Variants in TRIM50 observed in about 807,000 individuals in gnomAD.
The protein encoded by TRIM50 is E3 ubiquitin-protein ligase TRIM50.
Under a neutral mutation model 44.9 loss-of-function variants are expected in TRIM50, and 34 were observed. The observed-to-expected ratio is 0.76, with a 90% CI of 0.58 to 1.01. The LOEUF (loss-of-function observed/expected upper bound fraction) is 1.01. Among genes scored for constraint, TRIM50 ranks in the 50% least tolerant of loss-of-function variants. The probability of loss-of-function intolerance (pLI) is 0.00; values close to 1 mark genes in which losing one functional copy is unlikely to be tolerated. For missense variants in TRIM50, 633 were observed against 663.7 expected (o/e 0.95, Z 0.51); for synonymous variants, 307 against 291.1 (o/e 1.05, Z -0.56).
chr7:73,313,259 G>A lies in TRIM50; in HGVS notation c.1126C>T (p.Leu376=), dbSNP rs529018281. The part of the protein sequence containing the change: ...IKGTASRKGK[L]NRSPEHGVWL... ...ACGCCGTGCTCGGGGGACCTGTTCA[G>A]CTTGCCCTTACGGCTGGCTGTGCCC... Residue 376 remains leucine, a synonymous_variant, in exon 7 of 7, where the codon CTG becomes TTG. Transcript: ENST00000333149. This position sits in a 1 kb window ranked among gnomAD's most constrained non-coding sequence, Gnocchi z 4.9. The A allele has an allele frequency of 2.5e-6, 4 of 1,600,664 alleles. No individual in the cohort carries two copies. The highest frequency in any genetic ancestry group is 4.5e-5 in the East Asian group (2 of 44,300).
chr7:73,328,016 C>T lies in TRIM50; in HGVS notation c.-135G>A, dbSNP rs1554546496. 1 of 640,808 alleles carries T rather than the reference C, an allele frequency of 1.6e-6. No individual in the cohort carries two copies. Among genetic ancestry groups the T allele is most frequent in the Non-Finnish European group, 2.7e-6 (1 of 369,118 alleles). 39.7% of individuals were successfully genotyped at this position (640,808 alleles called of 1,614,324 possible). On this transcript the variant is annotated 5_prime_UTR_variant, in exon 1 of 7. It removes an upstream start codon present in the reference 5' UTR. Coordinates refer to ENST00000333149, the MANE Select transcript of TRIM50 (RefSeq NM_178125.3). The stretch of plus-strand genomic sequence containing the variant: ...CACCTAACCCCCCACGTCCGTGCCT[C>T]ATCATGACCCGCACGCTATGGTTAC...
At chr7:73,314,262 A>G (rs1452610767) in intron 6 of TRIM50, 2 of 320,234 alleles carry the variant, frequency 6.2e-6, no homozygotes, top group Non-Finnish European at 1.2e-5. Flanking sequence ...GACCTCGCCC[A>G]CTTTGTGCAA....
chr7:73,319,750 T>A (rs1248740853), intron 3 of TRIM50, among the ~76,000 whole-genome samples: 3 of 152,122 alleles, frequency 2.0e-5, no homozygotes, highest in Non-Finnish European at 2.9e-5. Flanking sequence ...CTTCGGGAGA[T>A]CAGCCAGGGC....
chr7:73,315,925 G>A (rs1164213693), intron 6 of TRIM50, among the ~76,000 whole-genome samples: 1 of 150,058 alleles, frequency 6.7e-6, no homozygotes, highest in Non-Finnish European at 1.5e-5. Context: ...TTGTTGCCCA[G>A]GCTGGAGTGC....
intron 4 of TRIM50, 49 bp downstream of exon 4, chr7:73,318,773 G>A (rs559759790): frequency 6.2e-7 from 1 of 1,614,006 alleles, no homozygotes; most frequent in East Asian, 2.2e-5. Context: ...TGTTGGGAAG[G>A]GGAAGGCCCT....
chr7:73,325,910 C>A (rs1414638657), intron 1 of TRIM50, among the ~76,000 whole-genome samples: 2 of 152,142 alleles, frequency 1.3e-5, no homozygotes, highest in Non-Finnish European at 2.9e-5. Flanking sequence ...TGGGGAAAGA[C>A]AGCTTGTTGC....
chr7:73,318,411 G>A (rs1554544435), intron 5 of TRIM50, among the ~76,000 whole-genome samples: 2 of 152,176 alleles, frequency 1.3e-5, no homozygotes, highest in Admixed American at 1.3e-4. Flanking sequence ...TACTGGGATT[G>A]CAGGCATGAG....
chr7:73,326,065 A>T (rs545761056), intron 1 of TRIM50, among the ~76,000 whole-genome samples: 453 of 151,964 alleles, frequency 3.0e-3, no homozygotes, highest in African/African-American at 9.7e-3. Context: ...TATTTAAAAA[A>T]TTTTTTTAGA....
rs1229544570 is a variant in TRIM50 at position 73,327,930 on chromosome 7, G to A, written c.-49C>T. The A allele has an allele frequency of 8.2e-6, 4 of 490,476 alleles. No individual in the cohort carries two copies. Among genetic ancestry groups the A allele is most frequent in the Non-Finnish European group, 1.5e-5 (4 of 268,850 alleles). 30.4% of individuals were successfully genotyped at this position (490,476 alleles called of 1,614,324 possible). ...CTCCGGCCCCTGTAAGTGCCCCATC[G>A]TGCTCTCTGTCGCTCCAGTTAGATG... On this transcript the variant is annotated 5_prime_UTR_variant, in exon 1 of 7. In the 5' UTR this introduces an upstream ATG that the reference lacks. Transcript: ENST00000333149.
intron 6 of TRIM50, chr7:73,315,266 C>CA (rs782646567): frequency 0.036 from 4,262 of 119,860 alleles, 98 homozygotes; most frequent in African/African-American, 0.072. Flanking sequence ...AATTTTCCTT[C>CA]AAAAAAAAAA....
At chr7:73,314,476 C>A in intron 6 of TRIM50, 1 of 401,470 alleles carries the variant, frequency 2.5e-6, no homozygotes. Flanking sequence ...AAGCTGCCAG[C>A]AAAGGGGATG....
At chr7:73,318,539 CCT>C (rs1583778868) in intron 5 of TRIM50, 146 bp downstream of exon 5, 14 of 1,538,374 alleles carry the variant, frequency 9.1e-6, no homozygotes, top group East Asian at 4.6e-5. Flanking sequence ...ACATGACTTT[CCT>C]CTGTTTTTCC....
At position 73,327,699 on chromosome 7, in the gene TRIM50, C is replaced by A. The variant is rs188280183; in HGVS notation, c.-19+201G>T. Among the ~76,000 whole-genome samples the A allele has an allele frequency of 7.9e-3, 1,198 of 152,332 alleles. 8 individuals carry two copies. Among genetic ancestry groups the A allele is most frequent in the Non-Finnish European group, 0.014 (930 of 68,030 alleles). On this transcript the variant is annotated intron_variant, in intron 1 of 6. Transcript: ENST00000333149. ...TGCCCCACGTGCCCCACCACGCAGC[C>A]ACTCCGAGGGCTCCTTCAAGGGCGG...
chr7:73,313,360 C>A lies in TRIM50; in HGVS notation c.1025G>T (p.Arg342Leu), dbSNP rs370785473. The change falls in exon 7 of 7, where the codon CGC becomes CTC. Residue 342 changes from arginine (R) to leucine (L), a missense_variant. Coordinates refer to ENST00000333149, the MANE Select transcript of TRIM50 (RefSeq NM_178125.3). This position sits in a 1 kb window ranked among gnomAD's most constrained non-coding sequence, Gnocchi z 4.9. ...FDYSTCVLAS[R>L]GFSCGRHYWE... ...GTAGTGGCGGCCGCAGGAGAAGCCG[C>A]GGCTGGCCAGGACGCAGGTGCTGTA... is the stretch of plus-strand genomic sequence containing the variant. 8 of 1,598,920 alleles carry A rather than the reference C, an allele frequency of 5.0e-6. No individual in the cohort carries two copies. In the African/African-American group the frequency reaches 1.1e-4, roughly 21 times the overall value.
chr7:73,312,859 G>T lies in TRIM50; in HGVS notation c.*62C>A. On this transcript the variant is annotated 3_prime_UTR_variant, in exon 7 of 7. Coordinates refer to ENST00000333149, the MANE Select transcript of TRIM50 (RefSeq NM_178125.3). ...TCACCTCAGGCGGGACCCAGCAGAA[G>T]CCCGCGAGTCCCCGGTGCCCCGCCG... 7.5e-7 allele frequency: 1 copy of T among 1,335,040 alleles called. No individual in the cohort carries two copies. The highest frequency in any genetic ancestry group is 1.0e-6 in the Non-Finnish European group (1 of 1,000,892). The allele number at this position is 1,335,040 out of a possible 1,614,324, so 82.7% of individuals were successfully genotyped here. A position where few individuals can be genotyped will look rare whatever the true frequency, so the allele number is the denominator to read the frequency against.
chr7:73,319,175 G>C (rs1804434703), intron 3 of TRIM50, 123 bp from the exon 4 acceptor site: 1 of 1,514,368 alleles, frequency 6.6e-7, no homozygotes, highest in Non-Finnish European at 8.9e-7. Context: ...TCTCAGGGGA[G>C]GCTGCATGGC....
Position 73,312,762 on chromosome 7 carries a change from G to A in TRIM50, c.*159C>T, listed in dbSNP as rs1804249598. 2 of 622,972 alleles carry A rather than the reference G, an allele frequency of 3.2e-6. No homozygotes were observed. The highest frequency in any genetic ancestry group is 3.2e-5 in the Admixed American group (1 of 31,558). 38.6% of individuals were successfully genotyped at this position (622,972 alleles called of 1,614,324 possible). A position where few individuals can be genotyped will look rare whatever the true frequency, so the allele number is the denominator to read the frequency against. On this transcript the variant is annotated 3_prime_UTR_variant, in exon 7 of 7. Coordinates refer to ENST00000333149, the MANE Select transcript of TRIM50 (RefSeq NM_178125.3). ...ACCCTTGGCTGAGGGGAAAGGGACT[G>A]GGGTCCTGTTCCCTATCATTACATG...
chr7:73,320,018 C>T (rs1274953921), intron 3 of TRIM50, 129 bp downstream of exon 3: 3 of 1,516,964 alleles, frequency 2.0e-6, no homozygotes, highest in African/African-American at 1.4e-5. Context: ...CCACCCCGCC[C>T]TGGGAATGCT....
chr7:73,315,052 G>A (rs1365448621), intron 6 of TRIM50: 6 of 340,974 alleles, frequency 1.8e-5, no homozygotes, highest in South Asian at 2.8e-5. Flanking sequence ...GGAAGACAAA[G>A]GAGCTTGGGC....
Sources: gnomAD v4.1 joint callset for allele counts (sites outside exome capture counted in the v4.1 genomes callset) on GRCh38, gnomAD v4.1.1 for gene constraint, Gnocchi (gnomAD v3.1) non-coding constraint, MANE v1.5 for transcripts, NCBI Gene and HGNC (gene_info 2026-07-23, HGNC 2026-07-21) for gene names.